Variants in DNAH3 observed in about 807,000 individuals in gnomAD.
DNAH3 encodes dynein axonemal heavy chain 3.
In DNAH3, 332 loss-of-function variants were observed where a neutral mutation model predicts 432.5. The ratio of observed to expected loss-of-function variants is 0.77; its 90% CI spans 0.70 to 0.84. The LOEUF (loss-of-function observed/expected upper bound fraction) is 0.84. Among genes scored for constraint, DNAH3 ranks in the 40% least tolerant of loss-of-function variants. The pLI is 0.00. For missense variants in DNAH3, 4,861 were observed against 5,114.0 expected, an observed-to-expected ratio of 0.95 and a Z score of 1.51; for synonymous variants, 1,956 against 1,900.2, an observed-to-expected ratio of 1.03 and a Z score of -0.76.
At chr16:21,003,032 A>G in intron 42 of DNAH3, 72 bp downstream of exon 42, 2 of 1,046,364 alleles carry the variant, frequency 1.9e-6, no homozygotes, top group Non-Finnish European at 3.0e-6. Context: ...AAGACTGTTA[A>G]TTCTTCCACC....
chr16:21,043,295 A>C (rs2089532049), intron 31 of DNAH3, among the ~76,000 whole-genome samples: 1 of 146,840 alleles, frequency 6.8e-6, no homozygotes, highest in Non-Finnish European at 1.5e-5. Context: ...CCAACAGTGT[A>C]AAAGTGTTCC....
intron 59 of DNAH3, among the ~76,000 whole-genome samples, chr16:20,940,949 A>T (rs950284601): frequency 6.6e-5 from 10 of 152,064 alleles, no homozygotes; most frequent in Admixed American, 1.3e-4. Context: ...AAAAATAAAA[A>T]AATTAGCCAG....
intron 31 of DNAH3, among the ~76,000 whole-genome samples, chr16:21,046,116 A>G (rs1377397701): frequency 6.9e-6 from 1 of 145,570 alleles, no homozygotes; most frequent in Non-Finnish European, 1.5e-5. Context: ...ATTTTGGAAT[A>G]GGTGTGGTGT....
intron 51 of DNAH3, among the ~76,000 whole-genome samples, chr16:20,972,739 A>AG (rs1555514219): frequency 7.3e-5 from 7 of 95,976 alleles, no homozygotes; most frequent in African/African-American, 1.4e-4. Context: ...ATGCCCCGTG[A>AG]TTTTTTTTTT....
intron 39 of DNAH3, among the ~76,000 whole-genome samples, chr16:21,023,528 T>C (rs1482564920): frequency 6.6e-6 from 1 of 152,088 alleles, no homozygotes; most frequent in African/African-American, 2.4e-5. Context: ...TGAGATAAAC[T>C]GAGGCAAGAG....
intron 41 of DNAH3, among the ~76,000 whole-genome samples, chr16:21,017,181 T>G (rs1462138307): frequency 6.6e-6 from 1 of 152,212 alleles, no homozygotes; most frequent in Non-Finnish European, 1.5e-5. Flanking sequence ...CATTTTACTA[T>G]GACAATAAAA....
intron 37 of DNAH3, among the ~76,000 whole-genome samples, chr16:21,029,012 T>A (rs1337460720): frequency 1.3e-5 from 2 of 152,212 alleles, no homozygotes; most frequent in Non-Finnish European, 1.5e-5. Context: ...AACCGCGTCA[T>A]CTCTGAATAT....
chr16:21,077,319 C>T (rs1316685277), intron 20 of DNAH3, among the ~76,000 whole-genome samples: 4 of 152,054 alleles, frequency 2.6e-5, no homozygotes, highest in African/African-American at 9.7e-5. Flanking sequence ...CCCTCCACCA[C>T]ACCTGGCTAA....
intron 16 of DNAH3, among the ~76,000 whole-genome samples, chr16:21,099,303 T>C (rs949655875): frequency 3.3e-5 from 5 of 152,096 alleles, no homozygotes; most frequent in African/African-American, 1.2e-4. Flanking sequence ...AATGGATGGA[T>C]GGTTGGATGA....
chr16:21,143,201 A>G (rs1301937783), intron 3 of DNAH3, among the ~76,000 whole-genome samples: 6 of 152,226 alleles, frequency 3.9e-5, no homozygotes, highest in African/African-American at 9.6e-5. Flanking sequence ...GAAAATTATT[A>G]AAGACTGCTA....
chr16:21,106,177 T>TAAAAAAAA (rs767198150), intron 15 of DNAH3, among the ~76,000 whole-genome samples: 1 of 97,562 alleles, frequency 1.0e-5, no homozygotes, highest in Non-Finnish European at 2.0e-5. Flanking sequence ...AGACTCCATC[T>TAAAAAAAA]AAAAAAAAAA....
At chr16:21,004,167 T>TA (rs1273430805) in intron 41 of DNAH3, among the ~76,000 whole-genome samples, 1 of 152,198 alleles carries the variant, frequency 6.6e-6, no homozygotes, top group Admixed American at 6.5e-5. Context: ...ATAAGTCATT[T>TA]AATGTTATTT....
chr16:21,071,294 G>A (rs532966960), intron 21 of DNAH3, among the ~76,000 whole-genome samples: 22 of 151,940 alleles, frequency 1.4e-4, no homozygotes, highest in Non-Finnish European at 2.4e-4. Flanking sequence ...CACCCGCCTC[G>A]GCCTCCCAAA....
exon 19 of DNAH3, chr16:21,086,924 G>A (rs963838132): frequency 5.6e-6 from 9 of 1,614,026 alleles, no homozygotes; most frequent in African/African-American, 2.7e-5. Flanking sequence ...TGAACTTATC[G>A]ATCTTGATCT....
Position 21,067,421 on chromosome 16 carries a change from T to C in DNAH3, c.3382-2A>G, listed in dbSNP as rs2090593994. On this transcript the variant is annotated splice_acceptor_variant, in intron 23 of 61. Transcript: ENST00000261383. LOFTEE classifies it high-confidence loss of function. ...CACCAGAATCCTGTTATCTTTCACC[T>C]GGGTTCCATCAAAAAAAGTGAGACT... 2 of 1,613,438 alleles carry C rather than the reference T, an allele frequency of 1.2e-6. No individual in the cohort carries two copies. The highest frequency in any genetic ancestry group is 2.7e-5 in the African/African-American group (2 of 74,850).
At chr16:20,977,055 T>C (rs1298057592) in intron 50 of DNAH3, among the ~76,000 whole-genome samples, 2 of 152,142 alleles carry the variant, frequency 1.3e-5, no homozygotes, top group Non-Finnish European at 2.9e-5. Flanking sequence ...CCACCTCTCA[T>C]GAGGGTTGTG....
At chr16:20,946,360 G>A (rs895803159) in intron 57 of DNAH3, among the ~76,000 whole-genome samples, 7 of 152,054 alleles carry the variant, frequency 4.6e-5, no homozygotes, top group Non-Finnish European at 7.4e-5. Flanking sequence ...GAGTTTTCCC[G>A]TCTTTCTGGA....
chr16:20,979,565 CGG>C lies in DNAH3; in HGVS notation c.7860-21_7860-20del. On this transcript the variant is annotated intron_variant, in intron 49 of 61. Transcript: ENST00000261383. The stretch of plus-strand genomic sequence containing the variant: ...CACGACCCTGCCGAGGACACCAAGG[CGG>C]TTAGGCAGGACCCAACATCTTCCAG... 1 of 1,612,508 alleles carries C rather than the reference CGG, an allele frequency of 6.2e-7. No individual in the cohort carries two copies. Among genetic ancestry groups the C allele is most frequent in the Non-Finnish European group, 8.5e-7 (1 of 1,178,742 alleles).
chr16:21,060,619 G>T (rs1228583377), intron 25 of DNAH3, among the ~76,000 whole-genome samples: 3 of 148,134 alleles, frequency 2.0e-5, no homozygotes, highest in Non-Finnish European at 4.4e-5. Context: ...CCGACTCCCT[G>T]GTTCAAGCGA....
Sources: gnomAD v4.1 joint callset for allele counts (sites outside exome capture counted in the v4.1 genomes callset) on GRCh38, gnomAD v4.1.1 for gene constraint, MANE v1.5 for transcripts, NCBI Gene and HGNC (gene_info 2026-07-23, HGNC 2026-07-21) for gene names.